The following CCDC15 variants were observed in gnomAD, a reference collection of about 807,000 sequenced individuals.
The protein encoded by CCDC15 is coiled-coil domain containing 15.
In CCDC15, 105 loss-of-function variants were observed where a neutral mutation model predicts 114.5. The observed-to-expected ratio is 0.92, with a 90% CI of 0.78 to 1.08. CCDC15 has a LOEUF of 1.08. Ranked by LOEUF, CCDC15 falls within the 50% of genes least tolerant of loss-of-function variation. The pLI is 0.00. For missense variants in CCDC15, 1,105 were observed against 1,093.6 expected, an observed-to-expected ratio of 1.01 and a Z score of -0.15; for synonymous variants, 334 against 377.8, an observed-to-expected ratio of 0.88 and a Z score of 1.34.
chr11:124,975,609 T>A (rs12291636), intron 5 of CCDC15, among the ~76,000 whole-genome samples: 30,931 of 152,042 alleles, frequency 0.2, 3,751 homozygotes, highest in African/African-American at 0.34. Flanking sequence ...CTGTGCTAGT[T>A]GGGAAGCATA....
rs1275637178 is a variant in CCDC15, at chr11:124,987,681, T to C, written c.1455T>C (p.His485=). The C allele has an allele frequency of 6.2e-7, 1 of 1,613,826 alleles. No individual in the cohort carries two copies. Among genetic ancestry groups the C allele is most frequent in the Non-Finnish European group, 8.5e-7 (1 of 1,179,864 alleles). ...AGAATTTTTTATCTAGAGACCAGCA[T>C]GTTCTCCCCAAAGACCAAGATATTC... The part of the protein sequence containing the change: ...KDQNFLSRDQ[H]VLPKDQDILP... Residue 485 remains histidine (H), a synonymous_variant, in exon 8 of 16, where the codon CAT becomes CAC. Coordinates refer to ENST00000344762, the MANE Select transcript of CCDC15 (RefSeq NM_025004.3).
At chr11:124,959,316 A>G (rs1947614793) in intron 3 of CCDC15, 52 bp downstream of exon 3, 4 of 1,441,790 alleles carry the variant, frequency 2.8e-6, no homozygotes, top group East Asian at 4.9e-5. Context: ...TATGTGTGTT[A>G]TGAGATAAGC....
At chr11:125,031,766 G>T (rs1948740852) in intron 13 of CCDC15, among the ~76,000 whole-genome samples, 1 of 152,194 alleles carries the variant, frequency 6.6e-6, no homozygotes, top group African/African-American at 2.4e-5. Context: ...TATGACCCAA[G>T]TGGCAGAGCA....
intron 4 of CCDC15, among the ~76,000 whole-genome samples, chr11:124,961,268 G>C (rs1356106042): frequency 6.6e-6 from 1 of 152,154 alleles, no homozygotes; most frequent in Non-Finnish European, 1.5e-5. Context: ...AGCAGTATTT[G>C]CCTATGCTGT....
In CCDC15 at chr11:124,975,127, G is replaced by T. The variant is rs751080852; in HGVS notation, c.548G>T (p.Arg183Leu). ...LSETMKQARHRLASFKTVIKK... is the reference protein window; with the variant it reads ...LSETMKQARHLLASFKTVIKK... ...GAAACTATGAAACAGGCACGTCACC[G>T]GCTAGCATCCTTTAAAACCGTGATT... The change falls in exon 5 of 16, where the codon CGG becomes CTG. Residue 183 changes from arginine to leucine, a missense_variant. Coordinates refer to ENST00000344762, the MANE Select transcript of CCDC15 (RefSeq NM_025004.3). The T allele has an allele frequency of 6.3e-7, 1 of 1,593,350 alleles. No individual in the cohort carries two copies. Among genetic ancestry groups the T allele is most frequent in the South Asian group, 1.1e-5 (1 of 87,892 alleles).
At chr11:125,028,526 T>C (rs1221547255) in intron 13 of CCDC15, among the ~76,000 whole-genome samples, 2 of 152,086 alleles carry the variant, frequency 1.3e-5, no homozygotes, top group African/African-American at 4.8e-5. Context: ...TTTTGTTTTG[T>C]TTTGTTTTTT....
At chr11:124,993,121 C>A in intron 10 of CCDC15, 48 bp from the exon 11 acceptor site, 2 of 1,180,696 alleles carry the variant, frequency 1.7e-6, no homozygotes, top group Non-Finnish European at 1.2e-6. Context: ...GTCACTAGCC[C>A]GTCATTTCTG....
Position 125,040,790 on chromosome 11 carries a change from C to T in CCDC15, c.*79C>T. On this transcript the variant is annotated 3_prime_UTR_variant, in exon 16 of 16. Transcript: ENST00000344762. ...GAGAGAGTATTTAAGAAAAGCTGTT[C>T]AAGTTATAAAATATATAATCTGGGA... 5 of 1,239,490 alleles carry T rather than the reference C, an allele frequency of 4.0e-6. No individual in the cohort carries two copies. The highest frequency in any genetic ancestry group is 4.6e-5 in the Admixed American group (2 of 43,892). The allele number at this position is 1,239,490 out of a possible 1,614,324, so 76.8% of individuals were successfully genotyped here.
At chr11:124,986,700 T>TGTGTGTGTGTGTGTGCGCGCGC (rs878887902) in intron 6 of CCDC15, 42 bp from the exon 7 acceptor site, 2 of 1,352,954 alleles carry the variant, frequency 1.5e-6, no homozygotes, top group African/African-American at 1.6e-5. Context: ...TTTGTGTGTG[T>TGTGTGTGTGTGTGTGCGCGCGC]GCGCGCGCGC....
chr11:125,039,170 A>C (rs961561395), intron 15 of CCDC15, 101 bp downstream of exon 15: 10 of 1,112,748 alleles, frequency 9.0e-6, no homozygotes, highest in Non-Finnish European at 1.3e-5. Context: ...CTTACTATGT[A>C]TCAGAGACTG....
chr11:125,034,185 G>A (rs1228482316), intron 13 of CCDC15, among the ~76,000 whole-genome samples: 1 of 152,146 alleles, frequency 6.6e-6, no homozygotes, highest in Admixed American at 6.5e-5. Context: ...TCGGGGAGGG[G>A]ATGTTGCCAC....
chr11:124,975,727 GC>G (rs1210663036), intron 5 of CCDC15, among the ~76,000 whole-genome samples: 3 of 152,088 alleles, frequency 2.0e-5, no homozygotes, highest in Admixed American at 6.6e-5. Context: ...ATAGACAAAA[GC>G]CTAGGTACAA....
intron 8 of CCDC15, among the ~76,000 whole-genome samples, chr11:124,989,812 A>G (rs369045260): frequency 1.3e-5 from 2 of 152,178 alleles, no homozygotes; most frequent in Admixed American, 6.5e-5. Context: ...CCTTCATAAT[A>G]TTGAAGAGAG....
At chr11:124,972,020 A>G (rs986036179) in intron 4 of CCDC15, among the ~76,000 whole-genome samples, 7 of 152,200 alleles carry the variant, frequency 4.6e-5, no homozygotes, top group Admixed American at 3.9e-4. Flanking sequence ...TTATGTTGTT[A>G]TGACTATATA....
intron 11 of CCDC15, among the ~76,000 whole-genome samples, chr11:125,001,060 C>A (rs1041877733): frequency 1.3e-5 from 2 of 152,200 alleles, no homozygotes; most frequent in Non-Finnish European, 2.9e-5. Flanking sequence ...ATAAGGTACA[C>A]CACTGCCTTT....
At chr11:125,003,468 C>CTA (rs1948510375) in intron 11 of CCDC15, among the ~76,000 whole-genome samples, 1 of 151,788 alleles carries the variant, frequency 6.6e-6, no homozygotes, top group African/African-American at 2.4e-5. Flanking sequence ...CTCATGCCTA[C>CTA]TAAGAGGGTT....
chr11:124,954,759 A>G lies in CCDC15; in HGVS notation c.27A>G (p.Lys9=), dbSNP rs1259699765. The G allele has an allele frequency of 6.2e-7, 1 of 1,613,860 alleles. No homozygotes were observed. The highest frequency in any genetic ancestry group is 8.5e-7 in the Non-Finnish European group (1 of 1,179,858). ...TGCTGGGAAGTATGGCCCGAAAGAA[A>G]CCTCGAAATACCTCAAGGTTGCCCC... MLGSMARK[K]PRNTSRLPLA... is the part of the protein sequence containing the mutation. Residue 9 remains lysine, a synonymous_variant, in exon 2 of 16, where the codon AAA becomes AAG. Transcript: ENST00000344762.
At chr11:124,976,238 T>C (rs890296797) in intron 5 of CCDC15, among the ~76,000 whole-genome samples, 4 of 149,368 alleles carry the variant, frequency 2.7e-5, no homozygotes, top group African/African-American at 9.7e-5. Flanking sequence ...TATAAATATA[T>C]AGATATATAA....
intron 2 of CCDC15, among the ~76,000 whole-genome samples, chr11:124,955,466 A>G (rs1947532800): frequency 6.6e-6 from 1 of 152,198 alleles, no homozygotes; most frequent in Non-Finnish European, 1.5e-5. Context: ...TATTTGTTCA[A>G]ATTTAACTTG....
Sources: gnomAD v4.1 joint callset for allele counts (sites outside exome capture counted in the v4.1 genomes callset) on GRCh38, gnomAD v4.1.1 for gene constraint, MANE v1.5 for transcripts, NCBI Gene and HGNC (gene_info 2026-07-23, HGNC 2026-07-21) for gene names.